NXNL2: variants seen among roughly 807,000 people sequenced by gnomAD.
The protein encoded by NXNL2 is nucleoredoxin like 2, also known as nucleoredoxin-like protein 2.
NXNL2 carries 7 observed loss-of-function variants against 11.1 expected under a neutral mutation model. That is an observed-to-expected ratio of 0.63 (90% CI 0.36 to 1.18). The LOEUF is 1.18. NXNL2 is among the 50% of genes most tolerant of loss of function. The pLI is 0.02. For synonymous variants in NXNL2, 109 were observed against 101.8 expected (o/e 1.07, Z -0.42); for missense variants, 233 against 217.7 (o/e 1.07, Z -0.44).
At chr9:88,577,049 T>G (rs1830355977), downstream of NXNL2, among the ~76,000 whole-genome samples, 1 of 152,056 alleles carries the variant, frequency 6.6e-6, no homozygotes, top group South Asian at 2.1e-4. Flanking sequence ...GGGAGGGTCC[T>G]TGCGAGGTGT....
At chr9:88,561,159 A>G (rs1214160177) in intron 1 of NXNL2, among the ~76,000 whole-genome samples, 1 of 152,124 alleles carries the variant, frequency 6.6e-6, no homozygotes, top group Non-Finnish European at 1.5e-5. Flanking sequence ...TCAGGTGGAC[A>G]CCATCTAATC....
intron 1 of NXNL2, among the ~76,000 whole-genome samples, chr9:88,560,175 G>C (rs930266656): frequency 6.6e-6 from 1 of 151,998 alleles, no homozygotes; most frequent in African/African-American, 2.4e-5. Flanking sequence ...ATGAAAAAAG[G>C]CCTGGTCACT....
chr9:88,540,626 C>T (rs1829734698), intron 1 of NXNL2, among the ~76,000 whole-genome samples: 1 of 152,126 alleles, frequency 6.6e-6, no homozygotes, highest in South Asian at 2.1e-4. Flanking sequence ...CTTTTTTTCA[C>T]TGTGCATGAT....
intron 1 of NXNL2, among the ~76,000 whole-genome samples, chr9:88,568,530 A>C (rs1002243592): frequency 3.3e-5 from 5 of 152,218 alleles, no homozygotes. Flanking sequence ...TCAAACTCTA[A>C]GAGTCACCTG....
intron 1 of NXNL2, among the ~76,000 whole-genome samples, chr9:88,562,062 T>C (rs1036888376): frequency 3.3e-5 from 5 of 152,200 alleles, no homozygotes; most frequent in Admixed American, 2.6e-4. Context: ...AGAAGTAGAA[T>C]GCGTAAATCA....
chr9:88,563,077 A>T (rs1830108806), intron 1 of NXNL2, among the ~76,000 whole-genome samples: 1 of 152,058 alleles, frequency 6.6e-6, no homozygotes, highest in East Asian at 1.9e-4. Context: ...ACAGAACGAG[A>T]CTCCATCTCA....
Position 88,569,579 on chromosome 9 carries a change from CAA to C in NXNL2, c.303-1507_303-1506del, listed in dbSNP as rs1448255810. Among the ~76,000 whole-genome samples the C allele has an allele frequency of 5.9e-5, 9 of 152,222 alleles. No homozygotes were observed. The East Asian group carries it at 1.7e-3, about 29-fold the overall frequency. On this transcript the variant is annotated intron_variant, in intron 1 of 2. Coordinates refer to the NXNL2 transcript ENST00000375855. ...GAAAATATGTCTGATGTTTTGATAT[CAA>C]GTTTAATACTTATTTTTGGTTTAAG...
downstream of NXNL2, among the ~76,000 whole-genome samples, chr9:88,578,180 C>T (rs945542292): frequency 1.3e-5 from 2 of 152,220 alleles, no homozygotes; most frequent in Non-Finnish European, 2.9e-5. Flanking sequence ...AAATGGAGTT[C>T]CATCACAACC....
chr9:88,546,148 C>CGCGT (rs1554705102), downstream of NXNL2, among the ~76,000 whole-genome samples: 7 of 147,476 alleles, frequency 4.7e-5, no homozygotes, highest in African/African-American at 1.7e-4. Context: ...ACTGAGTGTT[C>CGCGT]GTGTGTGTGT....
chr9:88,579,307 C>CGG (rs1046897456), downstream of NXNL2, among the ~76,000 whole-genome samples: 2 of 152,174 alleles, frequency 1.3e-5, no homozygotes, highest in East Asian at 3.9e-4. Flanking sequence ...GCCTGAAGGA[C>CGG]GGGGGGCTTC....
At position 88,558,369 on chromosome 9, in the gene NXNL2, C is replaced by A. The variant is rs148522534; in HGVS notation, c.303-12718C>A. Among the ~76,000 whole-genome samples the A allele has an allele frequency of 1.1e-4, 17 of 152,280 alleles. No homozygotes were observed. In the East Asian group the frequency reaches 3.3e-3, roughly 29 times the overall value. On this transcript the variant is annotated intron_variant, in intron 1 of 2. Coordinates refer to the NXNL2 transcript ENST00000375855. ...GAGAGGGCATGGAAGCTCCATACCC[C>A]TTCTCTCATATGCATCTCCCTAAGC...
At chr9:88,574,424 G>C (rs1445503891) in intron 2 of NXNL2, among the ~76,000 whole-genome samples, 1 of 152,186 alleles carries the variant, frequency 6.6e-6, no homozygotes, top group Non-Finnish European at 1.5e-5. Flanking sequence ...GGAGACATGA[G>C]ACATCAATCA....
chr9:88,560,410 TGCC>T (rs879699866), intron 1 of NXNL2, among the ~76,000 whole-genome samples: 1 of 151,962 alleles, frequency 6.6e-6, no homozygotes, highest in Non-Finnish European at 1.5e-5. Context: ...AAAAATGGAT[TGCC>T]GGGGCATCTC....
intron 2 of NXNL2, among the ~76,000 whole-genome samples, chr9:88,572,901 C>T (rs1440673028): frequency 6.6e-6 from 1 of 152,200 alleles, no homozygotes; most frequent in Non-Finnish European, 1.5e-5. Context: ...GTCTGTGTCC[C>T]ACAAGAGGCC....
chr9:88,575,643 A>G (rs866154238), exon 3 of NXNL2: 1 of 152,226 alleles, frequency 6.6e-6, no homozygotes, highest in African/African-American at 2.4e-5. Context: ...GGGAATGGTT[A>G]ATAGGTACAA....
chr9:88,542,323 C>G (rs1444927743), intron 1 of NXNL2, among the ~76,000 whole-genome samples: 2 of 151,918 alleles, frequency 1.3e-5, no homozygotes, highest in African/African-American at 4.8e-5. Context: ...GAGTCTCACT[C>G]TGTCACCCAG....
chr9:88,535,844 A>G, intron 1 of NXNL2, 108 bp downstream of exon 1: 3 of 733,684 alleles, frequency 4.1e-6, no homozygotes, highest in South Asian at 4.3e-5. Context: ...CCCCCCCAAC[A>G]CCTCCCCGTC....
chr9:88,561,330 A>G (rs1345506093), intron 1 of NXNL2, among the ~76,000 whole-genome samples: 1 of 152,142 alleles, frequency 6.6e-6, no homozygotes. Flanking sequence ...CTTGCTTCTC[A>G]GCTTGCAGAC....
Position 88,535,400 on chromosome 9 carries a change from T to C in NXNL2, c.-35T>C. 6.5e-7 allele frequency: 1 copy of C among 1,539,120 alleles called. No homozygotes were observed. The highest frequency in any genetic ancestry group is 8.7e-7 in the Non-Finnish European group (1 of 1,149,722). On this transcript the variant is annotated 5_prime_UTR_variant, in exon 1 of 2. Coordinates refer to ENST00000375854, the MANE Select transcript of NXNL2 (RefSeq NM_001161625.2). ...CCGCAGGTGATCATCCTCCTGCAGG[T>C]GTCCTCGGGTCTCAGGTGGCTGCGT...
Sources: allele counts gnomAD v4.1 joint callset (sites outside exome capture counted in the v4.1 genomes callset), GRCh38; gene constraint gnomAD v4.1.1; transcripts MANE v1.5; gene names NCBI Gene and HGNC (gene_info 2026-07-23, HGNC 2026-07-21).